The following GPR15LG variants were observed in gnomAD, a reference collection of about 807,000 sequenced individuals.
GPR15LG encodes the protein G protein-coupled receptor 15 ligand, also known as protein GPR15LG.
the GPR15LG span, among the ~76,000 whole-genome samples, chr10:84,182,187 C>A: frequency 6.6e-6 from 1 of 152,140 alleles, no homozygotes; most frequent in Admixed American, 6.5e-5. Context: ...AACGATGATA[C>A]CAGGATGGAC....
At chr10:84,178,529 C>T in the GPR15LG span, among the ~76,000 whole-genome samples, 1 of 151,826 alleles carries the variant, frequency 6.6e-6, no homozygotes, top group Non-Finnish European at 1.5e-5. Context: ...CAGACACACA[C>T]CACAATACAC....
chr10:84,182,574 G>A, the GPR15LG span, among the ~76,000 whole-genome samples: 2 of 152,176 alleles, frequency 1.3e-5, no homozygotes, highest in African/African-American at 2.4e-5. Flanking sequence ...TCGCAGGCGA[G>A]CCCAGACTGT....
At chr10:84,184,612 C>A in the GPR15LG span, 6 of 1,496,966 alleles carry the variant, frequency 4.0e-6, no homozygotes, top group South Asian at 1.1e-5. Context: ...CTCTCTCTCC[C>A]CACAACCTGG....
chr10:84,176,407 G>A, the GPR15LG span: 2 of 1,062,764 alleles, frequency 1.9e-6, no homozygotes, highest in Non-Finnish European at 1.5e-6. Context: ...TGAGCCCTGT[G>A]CCTTGGAAGG....
the GPR15LG span, among the ~76,000 whole-genome samples, chr10:84,181,164 T>A: frequency 5.8e-5 from 8 of 137,954 alleles, 1 homozygote; most frequent in Admixed American, 2.8e-4. Flanking sequence ...GGGCTCAGCA[T>A]CAGAGGGAGA....
chr10:84,184,415 A>G, the GPR15LG span, among the ~76,000 whole-genome samples: 29 of 152,302 alleles, frequency 1.9e-4, no homozygotes, highest in Middle Eastern at 6.8e-3. Flanking sequence ...TCCACTTAGG[A>G]TCAGCCACCT....
chr10:84,179,092 C>A, the GPR15LG span, among the ~76,000 whole-genome samples: 6 of 152,214 alleles, frequency 3.9e-5, no homozygotes, highest in African/African-American at 9.7e-5. Context: ...AGCCAGACGG[C>A]TGACTTCCCA....
the GPR15LG span, among the ~76,000 whole-genome samples, chr10:84,182,380 T>C: frequency 1.3e-5 from 2 of 152,226 alleles, no homozygotes; most frequent in African/African-American, 2.4e-5. Flanking sequence ...GTGTTTATTC[T>C]TTTCAATGAG....
At chr10:84,182,986 A>G in the GPR15LG span, among the ~76,000 whole-genome samples, 1 of 151,990 alleles carries the variant, frequency 6.6e-6, no homozygotes, top group South Asian at 2.1e-4. Context: ...ATATATTACT[A>G]GGATTATCAC....
chr10:84,178,080 C>T, the GPR15LG span, among the ~76,000 whole-genome samples: 120 of 151,744 alleles, frequency 7.9e-4, no homozygotes, highest in African/African-American at 2.8e-3. Context: ...GACACATACA[C>T]GCTACACAAC....
the GPR15LG span, among the ~76,000 whole-genome samples, chr10:84,182,180 G>A: frequency 1.8e-4 from 28 of 152,336 alleles, 1 homozygote; most frequent in African/African-American, 9.6e-5. Context: ...TTTCAGCAAC[G>A]ATGATACCAG....
the GPR15LG span, among the ~76,000 whole-genome samples, chr10:84,178,119 A>G: frequency 6.6e-6 from 1 of 151,794 alleles, no homozygotes; most frequent in South Asian, 2.1e-4. Flanking sequence ...ATATACACAC[A>G]ACACACGGTA....
chr10:84,176,411 T>G, the GPR15LG span: 1 of 1,124,918 alleles, frequency 8.9e-7, no homozygotes, highest in Non-Finnish European at 1.4e-6. Flanking sequence ...CCCTGTGCCT[T>G]GGAAGGGGAA....
At chr10:84,181,148 A>C in the GPR15LG span, among the ~76,000 whole-genome samples, 1 of 138,496 alleles carries the variant, frequency 7.2e-6, no homozygotes, top group Non-Finnish European at 1.6e-5. Context: ...GGAGAGGGAG[A>C]GGGCTGGGCT....
chr10:84,184,672 T>C, the GPR15LG span: 4 of 1,613,774 alleles, frequency 2.5e-6, no homozygotes, highest in Non-Finnish European at 3.4e-6. Context: ...TACTCATTGC[T>C]CCTCCCAGGA....
the GPR15LG span, among the ~76,000 whole-genome samples, chr10:84,180,813 A>G: frequency 6.6e-6 from 1 of 152,242 alleles, no homozygotes; most frequent in Non-Finnish European, 1.5e-5. Context: ...CACTGAGTGA[A>G]CGAGACTCCG....
chr10:84,174,920 G>A, the GPR15LG span, among the ~76,000 whole-genome samples: 2 of 152,152 alleles, frequency 1.3e-5, no homozygotes, highest in Non-Finnish European at 2.9e-5. Flanking sequence ...GGGAGCTGGA[G>A]CTATAGAAAT....
At chr10:84,185,180 A>G in the GPR15LG span, 5 of 693,746 alleles carry the variant, frequency 7.2e-6, no homozygotes, top group East Asian at 6.4e-4. Flanking sequence ...GCATTTAACT[A>G]CCAGCATCCA....
the GPR15LG span, chr10:84,176,631 C>A: frequency 8.5e-7 from 1 of 1,177,036 alleles, no homozygotes; most frequent in Non-Finnish European, 1.3e-6. Context: ...ATGGGACCAG[C>A]CACACACACT....
Sources: allele counts gnomAD v4.1 joint callset (sites outside exome capture counted in the v4.1 genomes callset), GRCh38; gene constraint gnomAD v4.1.1; transcripts MANE v1.5; gene names NCBI Gene and HGNC (gene_info 2026-07-23, HGNC 2026-07-21).